FAAH2: variants seen among roughly 807,000 people sequenced by gnomAD.
FAAH2 encodes the protein fatty-acid amide hydrolase 2.
In FAAH2, 60 loss-of-function variants were observed where a neutral mutation model predicts 36.9. The observed-to-expected ratio is 1.63, with a 90% confidence interval of 1.32 to 2.02. FAAH2 has a LOEUF of 2.02. Ranked by LOEUF, FAAH2 falls within the 30% of genes most tolerant of loss-of-function variation. The pLI is 0.00. For missense variants in FAAH2, 689 were observed against 397.5 expected (o/e 1.73, Z -6.23); for synonymous variants, 214 against 143.8 (o/e 1.49, Z -3.49).
the FAAH2 span, among the ~76,000 whole-genome samples, chrX:57,187,611 G>A: frequency 3.6e-5 from 4 of 110,892 alleles, no homozygotes; most frequent in East Asian, 1.1e-3. Flanking sequence ...TATTGAATAT[G>A]AGCAGTGAGA....
intron 7 of FAAH2, among the ~76,000 whole-genome samples, chrX:57,405,711 A>T (rs1250525397): frequency 2.0e-5 from 2 of 100,703 alleles, no homozygotes; most frequent in Non-Finnish European, 4.0e-5. Flanking sequence ...TTAAAAGAAC[A>T]GTCTTTAAGC....
intron 7 of FAAH2, among the ~76,000 whole-genome samples, chrX:57,421,729 G>A (rs181810903): frequency 4.4e-4 from 49 of 112,082 alleles, no homozygotes; most frequent in East Asian, 1.4e-3. Context: ...AATCCAGTCC[G>A]TAGGAGTGAA....
chrX:57,439,987 C>T lies in FAAH2; in HGVS notation c.1117-6941C>T, dbSNP rs186984185. Among the ~76,000 whole-genome samples, 472 of 111,616 alleles carry T rather than the reference C, an allele frequency of 4.2e-3. 3 individuals are homozygous for T. The highest frequency in any genetic ancestry group is 0.015 in the African/African-American group (450 of 30,705). ...TCTCTGTTTTGGTACCAGTACCATG[C>T]TGTTTTGGTTACTGTAGCCTTGTAG... On this transcript the variant is annotated intron_variant, in intron 8 of 10. Transcript: ENST00000374900.
At chrX:57,393,097 C>T (rs1312247061) in intron 7 of FAAH2, 3 of 949,507 alleles carry the variant, frequency 3.2e-6, no homozygotes, top group Non-Finnish European at 3.0e-6. Flanking sequence ...GAGTGCACTT[C>T]ACGGCATCAA....
At chrX:57,360,017 C>T (rs1291412675) in intron 5 of FAAH2, among the ~76,000 whole-genome samples, 2 of 102,152 alleles carry the variant, frequency 2.0e-5, no homozygotes, top group Non-Finnish European at 4.0e-5. Context: ...CCAGTCCTTT[C>T]TGTACTGTAA....
intron 8 of FAAH2, among the ~76,000 whole-genome samples, 159 bp from the exon 9 acceptor site, chrX:57,446,769 G>A (rs2056683317): frequency 8.9e-6 from 1 of 111,996 alleles, no homozygotes; most frequent in South Asian, 3.7e-4. Flanking sequence ...TTGTGTGACT[G>A]AGTAATATTT....
At chrX:57,281,472 C>A in the FAAH2 span, among the ~76,000 whole-genome samples, 14 of 111,415 alleles carry the variant, frequency 1.3e-4, no homozygotes, top group Non-Finnish European at 2.1e-4. Context: ...GAATGGGTAA[C>A]AAGAAATTTG....
In FAAH2 at chrX:57,393,853, T is replaced by A. The variant is rs774273069; in HGVS notation, c.996+12824T>A. ...ATCTATCATTGGTATTCAACACTCT[T>A]TGCCAAGCTATGGTTTCTGGATCAA... On this transcript the variant is annotated intron_variant, in intron 7 of 10. Transcript: ENST00000374900. 3.0e-5 allele frequency: 29 copies of A among 961,356 alleles called. No individual in the cohort carries two copies. In the South Asian group the frequency reaches 5.6e-4, roughly 19 times the overall value. 79.2% of individuals were successfully genotyped at this position (961,356 alleles called of 1,213,427 possible).
intron 8 of FAAH2, among the ~76,000 whole-genome samples, chrX:57,442,220 C>A (rs1445872673): frequency 9.0e-6 from 1 of 110,784 alleles, no homozygotes; most frequent in African/African-American, 3.3e-5. Flanking sequence ...GTTAAAGTCT[C>A]CCATTATTAT....
the FAAH2 span, among the ~76,000 whole-genome samples, chrX:57,230,335 A>G: frequency 8.9e-6 from 1 of 112,283 alleles, no homozygotes; most frequent in Non-Finnish European, 1.9e-5. Context: ...GGTATCAAAG[A>G]AACATCAGGA....
rs770396438 is a variant in FAAH2, at chrX:57,488,911, G to T, written c.1578G>T (p.Trp526Cys). The change falls in exon 11 of 11, where the codon TGG becomes TGT. Residue 526 changes from tryptophan (W) to cysteine (C), a missense_variant. Physicochemically the swap from Trp to Cys is radical, Grantham distance 215. Transcript: ENST00000374900. ...AQYLEKTFGG[W>C]VCPGKF ...ACTTGGAGAAAACTTTTGGGGGCTG[G>T]GTCTGTCCAGGAAAGTTTTAGGAGG... 8.3e-7 allele frequency: 1 copy of T among 1,209,903 alleles called. No individual in the cohort carries two copies. Among genetic ancestry groups the T allele is most frequent in the Non-Finnish European group, 1.1e-6 (1 of 894,983 alleles).
At chrX:57,254,848 C>T in the FAAH2 span, among the ~76,000 whole-genome samples, 1 of 111,298 alleles carries the variant, frequency 9.0e-6, no homozygotes, top group Non-Finnish European at 1.9e-5. Flanking sequence ...GACACCCTAA[C>T]ATCAAAATTA....
At chrX:57,416,410 G>A (rs2055844125) in intron 7 of FAAH2, among the ~76,000 whole-genome samples, 1 of 110,699 alleles carries the variant, frequency 9.0e-6, no homozygotes, top group African/African-American at 3.3e-5. Context: ...AGGAGCTTTT[G>A]TAAGGCAGGC....
At chrX:57,330,649 G>A (rs182636792) in intron 3 of FAAH2, among the ~76,000 whole-genome samples, 18 of 111,386 alleles carry the variant, frequency 1.6e-4, no homozygotes, top group East Asian at 5.7e-4. Context: ...CTGGTTTTGC[G>A]GCTTGTGGGG....
chrX:57,137,078 C>T, the FAAH2 span: 3 of 790,983 alleles, frequency 3.8e-6, no homozygotes, highest in Non-Finnish European at 4.6e-6. Context: ...CCTATTCCTA[C>T]CCCCTTTCCC....
intron 5 of FAAH2, among the ~76,000 whole-genome samples, chrX:57,352,517 G>T (rs2054049975): frequency 9.1e-6 from 1 of 110,024 alleles, no homozygotes; most frequent in Non-Finnish European, 1.9e-5. Context: ...ATACTAACTG[G>T]GGAAATGCTG....
chrX:57,307,208 T>C (rs1260867442), intron 2 of FAAH2, among the ~76,000 whole-genome samples: 3 of 105,840 alleles, frequency 2.8e-5, no homozygotes, highest in South Asian at 4.3e-4. Context: ...GGGGTTCTTC[T>C]TCTCTATAAT....
At chrX:57,421,868 G>A (rs1254532105) in intron 7 of FAAH2, among the ~76,000 whole-genome samples, 1 of 111,744 alleles carries the variant, frequency 8.9e-6, no homozygotes, top group African/African-American at 3.3e-5. Flanking sequence ...TAAGTCTAGA[G>A]TAGTTGCTAC....
At chrX:57,360,039 G>A (rs2054251428) in intron 5 of FAAH2, among the ~76,000 whole-genome samples, 3 of 108,226 alleles carry the variant, frequency 2.8e-5, no homozygotes, top group Non-Finnish European at 5.7e-5. Flanking sequence ...GTTTCTGCTG[G>A]GAAATATGGT....
Sources: allele counts gnomAD v4.1 joint callset (sites outside exome capture counted in the v4.1 genomes callset), GRCh38; gene constraint gnomAD v4.1.1; transcripts MANE v1.5; gene names NCBI Gene and HGNC (gene_info 2026-07-23, HGNC 2026-07-21).